PABIR3: variants seen among roughly 807,000 people sequenced by gnomAD.
The protein encoded by PABIR3 is PABIR family member 3, also known as PABIR family member 1.
A neutral mutation model predicts 23.1 loss-of-function variants in PABIR3; 20 were observed. The ratio of observed to expected loss-of-function variants is 0.86; its 90% CI spans 0.61 to 1.26. The LOEUF (loss-of-function observed/expected upper bound fraction) is 1.26. Among genes scored for constraint, PABIR3 ranks in the 50% most tolerant of loss-of-function variants. The probability of loss-of-function intolerance (pLI) is 0.00; values close to 1 mark genes in which losing one functional copy is unlikely to be tolerated. For synonymous variants in PABIR3, 69 were observed against 68.5 expected, an observed-to-expected ratio of 1.01 and a Z score of -0.04; for missense variants, 189 against 195.4, an observed-to-expected ratio of 0.97 and a Z score of 0.20.
At chrX:134,845,783 A>G (rs764621022) in intron 6 of PABIR3, among the ~76,000 whole-genome samples, 1 of 111,951 alleles carries the variant, frequency 8.9e-6, no homozygotes, top group East Asian at 2.8e-4. Flanking sequence ...GTGACACAAA[A>G]CCATAGCTAT....
intron 3 of PABIR3, among the ~76,000 whole-genome samples, chrX:134,825,104 A>G (rs999589886): frequency 7.2e-5 from 8 of 111,857 alleles, no homozygotes; most frequent in African/African-American, 2.6e-4. Flanking sequence ...GGAACTCTTT[A>G]TAATTTCTGT....
the PABIR3 span, among the ~76,000 whole-genome samples, chrX:134,862,620 T>C: frequency 8.9e-6 from 1 of 112,302 alleles, no homozygotes; most frequent in Non-Finnish European, 1.9e-5. Context: ...CTTTCAGATT[T>C]TTCCACATGG....
intron 4 of PABIR3, among the ~76,000 whole-genome samples, chrX:134,843,758 G>A (rs1281498267): frequency 9.4e-6 from 1 of 106,941 alleles, no homozygotes; most frequent in African/African-American, 3.4e-5. Flanking sequence ...TAGTAGAGAC[G>A]GGGTTTCACC....
In PABIR3 at chrX:134,843,863, G is replaced by A. The variant is rs149246941; in HGVS notation, c.247-1342G>A. Among the ~76,000 whole-genome samples the A allele has an allele frequency of 5.2e-4, 56 of 108,374 alleles. No individual in the cohort carries two copies. The East Asian group carries it at 0.013, about 25-fold the overall frequency. The allele number at this position is 108,374 out of a possible 115,157, so 94.1% of individuals were successfully genotyped here. A position where few individuals can be genotyped will look rare whatever the true frequency, so the allele number is the denominator to read the frequency against. The stretch of plus-strand genomic sequence containing the variant: ...ATTACAGGCGTGAGCCACCGCGCCC[G>A]GCTTGAAGGCTTATTTCTGTGCGCT... On this transcript the variant is annotated intron_variant, in intron 4 of 10. Coordinates refer to ENST00000645433, the MANE Select transcript of PABIR3 (RefSeq NM_001388447.1).
At chrX:134,811,041 C>T (rs1427474276) in intron 2 of PABIR3, 1 of 752,513 alleles carries the variant, frequency 1.3e-6, no homozygotes, top group Admixed American at 8.8e-5. Flanking sequence ...TATATAAAGA[C>T]CCTCTTGCAC....
At chrX:134,845,844 C>A (rs1407300225) in intron 6 of PABIR3, among the ~76,000 whole-genome samples, 1 of 112,238 alleles carries the variant, frequency 8.9e-6, no homozygotes, top group Non-Finnish European at 1.9e-5. Flanking sequence ...AGTTCAGTTG[C>A]ACTAGTTAAA....
At chrX:134,845,091 C>T (rs1256725025) in intron 4 of PABIR3, 114 bp from the exon 5 acceptor site, 1 of 578,515 alleles carries the variant, frequency 1.7e-6, no homozygotes. Flanking sequence ...TATTTATTCT[C>T]TAGTTCTTCT....
chrX:134,859,994 C>T, the PABIR3 span, among the ~76,000 whole-genome samples: 994 of 111,707 alleles, frequency 8.9e-3, 49 homozygotes, highest in East Asian at 0.19. Flanking sequence ...TTCCTTAACT[C>T]GACTTACATT....
chrX:134,856,199 T>C (rs1603252153), downstream of PABIR3, among the ~76,000 whole-genome samples: 1 of 108,869 alleles, frequency 9.2e-6, no homozygotes, highest in South Asian at 4.0e-4. Flanking sequence ...TTTTTTTTTT[T>C]TTTTTGAGAC....
At chrX:134,809,818 G>A in intron 2 of PABIR3, 1 of 753,958 alleles carries the variant, frequency 1.3e-6, no homozygotes, top group Non-Finnish European at 1.6e-6. Context: ...TACCTAAGCT[G>A]ATTAACTCTA....
At chrX:134,864,751 C>T in the PABIR3 span, among the ~76,000 whole-genome samples, 34 of 112,191 alleles carry the variant, frequency 3.0e-4, no homozygotes, top group African/African-American at 9.7e-4. Context: ...AGAGTTGTTA[C>T]TAATAAAGCT....
chrX:134,823,162 T>G (rs73568781), intron 3 of PABIR3, among the ~76,000 whole-genome samples: 1,409 of 111,033 alleles, frequency 0.013, 23 homozygotes, highest in African/African-American at 0.045. Context: ...AAAAAATATG[T>G]ATAACAAATC....
At chrX:134,820,759 G>A (rs1253388942) in intron 3 of PABIR3, among the ~76,000 whole-genome samples, 1 of 110,747 alleles carries the variant, frequency 9.0e-6, no homozygotes, top group Admixed American at 9.8e-5. Flanking sequence ...AGTAGCTCAC[G>A]CCTGTAATCC....
At chrX:134,797,188 G>C (rs1418974642) in intron 1 of PABIR3, 1 of 113,892 alleles carries the variant, frequency 8.8e-6, no homozygotes, top group African/African-American at 3.2e-5. Flanking sequence ...TTCCGCGTCC[G>C]GGCACCCATC....
At chrX:134,838,415 G>A (rs2082041269) in intron 4 of PABIR3, among the ~76,000 whole-genome samples, 1 of 107,657 alleles carries the variant, frequency 9.3e-6, no homozygotes, top group Non-Finnish European at 1.9e-5. Flanking sequence ...CTGGGTTCAC[G>A]CCATTCTCCT....
At position 134,814,420 on chromosome X, in the gene PABIR3, G is replaced by A. The variant is rs1393533484; in HGVS notation, c.111-351G>A. Among the ~76,000 whole-genome samples, 2 of 111,770 alleles carry A rather than the reference G, an allele frequency of 1.8e-5. 1 individual carries two copies. The highest frequency in any genetic ancestry group is 7.3e-4 in the South Asian group (2 of 2,727). ...AAATCTTTAAAAGAATTTTGTGGCC[G>A]GGCATGGTGGATCACGCCTGTAATC... On this transcript the variant is annotated intron_variant, in intron 2 of 10. Transcript: ENST00000645433.
chrX:134,816,710 G>C (rs751329489), intron 3 of PABIR3, among the ~76,000 whole-genome samples: 5 of 111,744 alleles, frequency 4.5e-5, no homozygotes, highest in Non-Finnish European at 9.4e-5. Context: ...TTTGATTACA[G>C]ACTCTATCTC....
chrX:134,828,065 A>ATG (rs1216922674), intron 3 of PABIR3, among the ~76,000 whole-genome samples: 21 of 100,920 alleles, frequency 2.1e-4, no homozygotes, highest in African/African-American at 7.2e-4. Flanking sequence ...ATATATATAT[A>ATG]TATATGTATA....
At chrX:134,812,604 A>G (rs187131320) in intron 2 of PABIR3, among the ~76,000 whole-genome samples, 174 of 111,617 alleles carry the variant, frequency 1.6e-3, no homozygotes, top group Non-Finnish European at 2.1e-3. Flanking sequence ...AGGGAGCTTA[A>G]GATAAGTGCG....
Sources: gnomAD v4.1 joint callset for allele counts (sites outside exome capture counted in the v4.1 genomes callset) on GRCh38, gnomAD v4.1.1 for gene constraint, MANE v1.5 for transcripts, NCBI Gene and HGNC (gene_info 2026-07-23, HGNC 2026-07-21) for gene names.